BCR: variants seen among roughly 807,000 people sequenced by gnomAD.
The protein encoded by BCR is BCR activator of RhoGEF and GTPase, also known as breakpoint cluster region protein.
In BCR, 58 loss-of-function variants were observed where a neutral mutation model predicts 138.6. The observed-to-expected ratio is 0.42, with a 90% confidence interval of 0.34 to 0.52. BCR has a LOEUF of 0.52. Among genes scored for constraint, BCR ranks in the 20% least tolerant of loss-of-function variants. The pLI is 0.06. For synonymous variants in BCR, 786 were observed against 730.1 expected, an observed-to-expected ratio of 1.08 and a Z score of -1.23; for missense variants, 1,599 against 1,727.2, an observed-to-expected ratio of 0.93 and a Z score of 1.32.
At position 23,181,314 on chromosome 22, in the gene BCR, C is replaced by T. The variant is rs1225336408; in HGVS notation, c.354C>T (p.Asp118=). Residue 118 remains aspartate (D), a synonymous_variant, in exon 1 of 23, where the codon GAC becomes GAT. Transcript: ENST00000305877. ...CCGAGGAGCCCGAGGCCCGGCCCGA[C>T]GGCGAGGGTTCTCCGGGTAAGGCCA... ...PPAEEPEARP[D]GEGSPGKARP... 2.2e-6 allele frequency: 3 copies of T among 1,371,588 alleles called. No individual in the cohort carries two copies. The highest frequency in any genetic ancestry group is 2.8e-6 in the Non-Finnish European group (3 of 1,062,794). 85.0% of individuals were successfully genotyped at this position (1,371,588 alleles called of 1,614,324 possible). A position where few individuals can be genotyped will look rare whatever the true frequency, so the allele number is the denominator to read the frequency against.
intron 16 of BCR, among the ~76,000 whole-genome samples, chr22:23,303,711 C>T (rs552135461): frequency 2.1e-4 from 32 of 152,322 alleles, no homozygotes; most frequent in South Asian, 6.2e-4. Context: ...ACAGATTCCA[C>T]GGGATTCTTC....
chr22:23,309,368 G>A (rs867392766), intron 16 of BCR, 56 bp from the exon 17 acceptor site: 13 of 1,342,958 alleles, frequency 9.7e-6, no homozygotes, highest in Admixed American at 4.0e-5. Flanking sequence ...CTGCTGCCCC[G>A]TGGGGCCTCT....
rs1243640397 is a variant in BCR, at chr22:23,316,874, G to C, written c.*1352G>C. On this transcript the variant is annotated 3_prime_UTR_variant, in exon 23 of 23. Transcript: ENST00000305877. ...CATGGAGACCGCCAAGTATTTTCAA[G>C]AAATAACCCCATGAATATTCCATCA... 8.1e-6 allele frequency: 1 copy of C among 122,836 alleles called. No individual in the cohort carries two copies. The highest frequency in any genetic ancestry group is 9.3e-5 in the Admixed American group (1 of 10,736). The allele number at this position is 122,836 out of a possible 1,614,324, so 7.6% of individuals were successfully genotyped here.
chr22:23,221,355 GC>G (rs746095074), intron 1 of BCR, among the ~76,000 whole-genome samples: 7 of 152,114 alleles, frequency 4.6e-5, no homozygotes, highest in Admixed American at 6.5e-5. Context: ...AAGGTTTTCT[GC>G]CCCATCCAGT....
intron 16 of BCR, among the ~76,000 whole-genome samples, 197 bp downstream of exon 16, chr22:23,295,352 G>C (rs2073833686): frequency 6.6e-6 from 1 of 152,182 alleles, no homozygotes; most frequent in African/African-American, 2.4e-5. Context: ...ACCACCCTCT[G>C]TCTGCGTGTC....
At position 23,312,931 on chromosome 22, in the gene BCR, G is replaced by A. The variant is rs775694423; in HGVS notation, c.3367G>A (p.Ala1123Thr). The change falls in exon 20 of 23, where the codon GCC (alanine) becomes ACC (threonine). Residue 1123 changes from alanine to threonine, a missense_variant. Ala to Thr is a moderately conservative substitution (Grantham distance 58, BLOSUM62 0). Coordinates refer to ENST00000305877, the MANE Select transcript of BCR (RefSeq NM_004327.4). The stretch of plus-strand genomic sequence containing the variant: ...GATGATGAGCGAGATGGACGTGAAC[G>A]CCATCGCAGGCACGCTGAAGCTGTA... ...SVMMSEMDVN[A>T]IAGTLKLYFR... is the part of the protein sequence containing the mutation. 8 of 1,589,968 alleles carry A rather than the reference G, an allele frequency of 5.0e-6. No homozygotes were observed. The East Asian group carries it at 6.7e-5, about 13-fold the overall frequency.
intron 3 of BCR, 22 bp downstream of exon 3, chr22:23,261,076 G>A: frequency 6.2e-7 from 1 of 1,607,126 alleles, no homozygotes; most frequent in Non-Finnish European, 8.5e-7. Context: ...TTAGGGAGCT[G>A]AGCAGGGCGG....
At chr22:23,191,006 C>T (rs959459800) in intron 1 of BCR, among the ~76,000 whole-genome samples, 2 of 151,760 alleles carry the variant, frequency 1.3e-5, no homozygotes. Flanking sequence ...GATCATAGCT[C>T]ACTGTAGCCA....
chr22:23,242,884 A>T (rs1277821118), intron 1 of BCR: 2 of 455,554 alleles, frequency 4.4e-6, no homozygotes, highest in East Asian at 1.4e-4. Flanking sequence ...GCTCTAGGGG[A>T]GGATCCTTCC....
intron 5 of BCR, among the ~76,000 whole-genome samples, chr22:23,269,290 C>G (rs2073482181): frequency 1.3e-5 from 2 of 152,204 alleles, no homozygotes. Context: ...GCGACATTTT[C>G]CTCTTTGGAG....
chr22:23,197,017 T>C (rs774151531), intron 1 of BCR, among the ~76,000 whole-genome samples: 1 of 152,220 alleles, frequency 6.6e-6, no homozygotes, highest in Non-Finnish European at 1.5e-5. Context: ...ATATAACCTA[T>C]ACACATCTTC....
Position 23,273,005 on chromosome 22 carries a change from C to T in BCR, c.1922-76C>T, listed in dbSNP as rs907727742. On this transcript the variant is annotated intron_variant, in intron 6 of 22. Transcript: ENST00000305877. ...TGGGGCAGCCCCCTCCCCACTCACC[C>T]TTGCACCGAGGGTGGTCAGGCAGCT... 5 of 1,531,714 alleles carry T rather than the reference C, an allele frequency of 3.3e-6. No homozygotes were observed. The African/African-American group carries it at 5.5e-5, about 17-fold the overall frequency. 94.9% of individuals were successfully genotyped at this position (1,531,714 alleles called of 1,614,324 possible).
chr22:23,188,244 T>G (rs375454867), intron 1 of BCR, among the ~76,000 whole-genome samples: 3 of 152,200 alleles, frequency 2.0e-5, no homozygotes, highest in East Asian at 3.8e-4. Flanking sequence ...TTTACAAGCG[T>G]TCTCTGGTTC....
chr22:23,258,548 C>G (rs1420784001), intron 2 of BCR, among the ~76,000 whole-genome samples: 2 of 152,224 alleles, frequency 1.3e-5, no homozygotes, highest in African/African-American at 4.8e-5. Context: ...CTACAGATAC[C>G]ATGAGGCCTG....
chr22:23,288,248 CCTT>C (rs1409320954), intron 12 of BCR, 76 bp downstream of exon 12: 11 of 1,413,088 alleles, frequency 7.8e-6, no homozygotes, highest in Admixed American at 3.4e-5. Flanking sequence ...TGGTTTTAAA[CCTT>C]CTTTTTTATT....
intron 1 of BCR, among the ~76,000 whole-genome samples, chr22:23,186,394 A>C (rs970748944): frequency 6.6e-6 from 1 of 152,242 alleles, no homozygotes; most frequent in African/African-American, 2.4e-5. Flanking sequence ...GGGTAAGGCC[A>C]GTCAAGTGAA....
chr22:23,195,469 G>A (rs1243043142), intron 1 of BCR, among the ~76,000 whole-genome samples: 1 of 151,222 alleles, frequency 6.6e-6, no homozygotes, highest in Non-Finnish European at 1.5e-5. Flanking sequence ...GTGCACGCCT[G>A]TAATCCCAGC....
intron 1 of BCR, among the ~76,000 whole-genome samples, chr22:23,250,466 G>GA (rs1259441251): frequency 2.0e-5 from 3 of 152,210 alleles, no homozygotes; most frequent in African/African-American, 7.2e-5. Context: ...GAGGGATGAG[G>GA]AAGGGGCTTT....
intron 1 of BCR, among the ~76,000 whole-genome samples, chr22:23,222,068 G>A (rs2072830642): frequency 2.6e-5 from 4 of 151,992 alleles, no homozygotes; most frequent in Admixed American, 2.6e-4. Flanking sequence ...TCCAGCTTGG[G>A]CAACAGAGTG....
Sources: gnomAD v4.1 joint callset for allele counts (sites outside exome capture counted in the v4.1 genomes callset) on GRCh38, gnomAD v4.1.1 for gene constraint, MANE v1.5 for transcripts, NCBI Gene and HGNC (gene_info 2026-07-23, HGNC 2026-07-21) for gene names.